The following SLC25A36 variants were observed in gnomAD, a reference collection of about 807,000 sequenced individuals.
SLC25A36 encodes the protein solute carrier family 25 member 36, also known as epididymis secretory sperm binding protein.
A neutral mutation model predicts 35.3 loss-of-function variants in SLC25A36; 24 were observed. The observed-to-expected ratio is 0.68, with a 90% confidence interval of 0.49 to 0.96. The LOEUF (loss-of-function observed/expected upper bound fraction) is 0.96, where lower values mean the gene tolerates loss of function less well. Among genes scored for constraint, SLC25A36 ranks in the 40% least tolerant of loss-of-function variants. The pLI, the probability that SLC25A36 is intolerant of heterozygous loss-of-function variation, is 0.00. For missense variants in SLC25A36, 294 were observed against 381.1 expected (o/e 0.77, Z 1.90); for synonymous variants, 141 against 132.2 (o/e 1.07, Z -0.46).
chr3:140,956,884 A>G (rs1259591504), intron 2 of SLC25A36, 193 bp downstream of exon 2: 1 of 941,388 alleles, frequency 1.1e-6, no homozygotes, highest in Non-Finnish European at 1.4e-6. Flanking sequence ...GATAAAGTGT[A>G]ATTTTACTTC....
intron 2 of SLC25A36, chr3:140,956,895 C>A: frequency 3.7e-6 from 3 of 814,730 alleles, no homozygotes; most frequent in Non-Finnish European, 4.9e-6. Flanking sequence ...ATTTTACTTC[C>A]AAATCATGTG....
At chr3:140,949,625 G>A (rs1934265357) in intron 1 of SLC25A36, among the ~76,000 whole-genome samples, 1 of 151,892 alleles carries the variant, frequency 6.6e-6, no homozygotes, top group African/African-American at 2.4e-5. Flanking sequence ...TTCTAATCTG[G>A]GTATACCAGG....
At chr3:140,955,169 A>G (rs966983177) in intron 1 of SLC25A36, among the ~76,000 whole-genome samples, 4 of 152,236 alleles carry the variant, frequency 2.6e-5, no homozygotes, top group Middle Eastern at 3.4e-3. Context: ...CCAATATGAC[A>G]TATTTTTATC....
At chr3:140,969,257 A>G (rs11714438) in intron 4 of SLC25A36, among the ~76,000 whole-genome samples, 11,352 of 151,868 alleles carry the variant, frequency 0.075, 530 homozygotes, top group East Asian at 0.17. Flanking sequence ...AACTGGTCTG[A>G]TAGTTTCATG....
At chr3:140,947,308 G>A (rs547583045) in intron 1 of SLC25A36, among the ~76,000 whole-genome samples, 4 of 152,216 alleles carry the variant, frequency 2.6e-5, no homozygotes, top group Middle Eastern at 3.4e-3. Context: ...GGGTAGCAAC[G>A]AAAGGGGGAA....
Position 140,952,602 on chromosome 3 carries a change from A to G in SLC25A36, c.42-3925A>G, listed in dbSNP as rs192176238. On this transcript the variant is annotated intron_variant, in intron 1 of 6. Transcript: ENST00000324194. ...AATGGAGACACATAACTACATAGCT[A>G]ATATTTATTGAGCACTTTTTATGTG... Among the ~76,000 whole-genome samples, 3 of 152,328 alleles carry G rather than the reference A, an allele frequency of 2.0e-5. No homozygotes were observed. The East Asian group carries it at 5.8e-4, about 29-fold the overall frequency.
At position 140,950,025 on chromosome 3, in the gene SLC25A36, C is replaced by T. The variant is rs557218397; in HGVS notation, c.42-6502C>T. ...GTTTTCAAATTAATATATTATACATCATCTTTCTGTTCTGGTAGATGAGGA... is the reference window on the plus strand; with the variant it reads ...GTTTTCAAATTAATATATTATACATTATCTTTCTGTTCTGGTAGATGAGGA... On this transcript the variant is annotated intron_variant, in intron 1 of 6. Coordinates refer to ENST00000324194, the MANE Select transcript of SLC25A36 (RefSeq NM_001104647.3). Among the ~76,000 whole-genome samples the T allele has an allele frequency of 8.5e-5, 13 of 152,254 alleles. No homozygotes were observed. The South Asian group carries it at 2.7e-3, about 32-fold the overall frequency.
intron 6 of SLC25A36, 109 bp from the exon 7 acceptor site, chr3:140,976,151 T>C: frequency 1.3e-6 from 1 of 751,314 alleles, no homozygotes; most frequent in Non-Finnish European, 2.1e-6. Context: ...AAGCCATCCT[T>C]TTTTATCCTG....
rs1934969326 is a variant in SLC25A36, at chr3:140,973,863, A to T, written c.600A>T (p.Ile200=). ...TVIHFVIYES[I]KQKLLEYKTA... The stretch of plus-strand genomic sequence containing the variant: ...TCCATTTTGTTATTTATGAAAGTAT[A>T]AAACAAAAACTACTGGAATATAAGA... Residue 200 remains isoleucine, a synonymous_variant, in exon 6 of 7, where the codon ATA becomes ATT. Transcript: ENST00000324194. 1 of 1,613,496 alleles carries T rather than the reference A, an allele frequency of 6.2e-7. No homozygotes were observed. Among genetic ancestry groups the T allele is most frequent in the African/African-American group, 1.3e-5 (1 of 74,912 alleles).
chr3:140,944,951 G>C (rs1934123440), intron 1 of SLC25A36, among the ~76,000 whole-genome samples: 1 of 152,104 alleles, frequency 6.6e-6, no homozygotes, highest in South Asian at 2.1e-4. Context: ...GCTTCACTCT[G>C]ACCATATTTT....
intron 4 of SLC25A36, chr3:140,968,572 GAAT>G: frequency 1.1e-6 from 1 of 929,368 alleles, no homozygotes; most frequent in Non-Finnish European, 1.3e-6. Flanking sequence ...TATGTACAGA[GAAT>G]AATTTAAAAT....
intron 1 of SLC25A36, among the ~76,000 whole-genome samples, chr3:140,951,475 C>A (rs76092624): frequency 6.6e-6 from 1 of 152,000 alleles, no homozygotes; most frequent in East Asian, 1.9e-4. Context: ...CACCTCTGTA[C>A]GATTTACTTA....
chr3:140,974,200 GTGA>G (rs1576489533), intron 6 of SLC25A36, among the ~76,000 whole-genome samples, 195 bp downstream of exon 6: 2 of 152,030 alleles, frequency 1.3e-5, no homozygotes, highest in East Asian at 3.8e-4. Context: ...TAGCATGGTG[GTGA>G]TTGAGCATGA....
chr3:140,968,129 T>A, intron 4 of SLC25A36: 1 of 976,440 alleles, frequency 1.0e-6, no homozygotes, highest in Non-Finnish European at 1.2e-6. Flanking sequence ...TTTTGTTTTT[T>A]TCCATTGGCT....
intron 1 of SLC25A36, chr3:140,942,334 C>G (rs951306910): frequency 2.2e-5 from 9 of 412,706 alleles, no homozygotes; most frequent in Non-Finnish European, 3.5e-5. Flanking sequence ...GAGAGTGAGG[C>G]CCGGGCAAAG....
chr3:140,944,141 T>C (rs1029316780), intron 1 of SLC25A36, among the ~76,000 whole-genome samples: 6 of 152,224 alleles, frequency 3.9e-5, no homozygotes, highest in African/African-American at 1.4e-4. Flanking sequence ...GGAAGCCCAG[T>C]ATATTTTAAA....
intron 1 of SLC25A36, 58 bp from the exon 2 acceptor site, chr3:140,956,469 A>G (rs1373146815): frequency 1.2e-5 from 18 of 1,448,448 alleles, no homozygotes; most frequent in Non-Finnish European, 1.5e-5. Context: ...CTCTGGGCAT[A>G]TATACTAACT....
chr3:140,963,073 TA>T, intron 3 of SLC25A36, 53 bp from the exon 4 acceptor site: 2 of 1,124,230 alleles, frequency 1.8e-6, no homozygotes, highest in Non-Finnish European at 1.3e-6. Context: ...AATTTATATG[TA>T]AATCTTACGC....
intron 1 of SLC25A36, among the ~76,000 whole-genome samples, chr3:140,947,943 G>C (rs61013505): frequency 6.6e-6 from 1 of 150,674 alleles, no homozygotes; most frequent in South Asian, 2.1e-4. Context: ...GAGAGTCTAC[G>C]TGGTTTTTTT....
Sources: allele counts gnomAD v4.1 joint callset (sites outside exome capture counted in the v4.1 genomes callset), GRCh38; gene constraint gnomAD v4.1.1; transcripts MANE v1.5; gene names NCBI Gene and HGNC (gene_info 2026-07-23, HGNC 2026-07-21).